The following IFT172 variants were observed in gnomAD, a reference collection of about 807,000 sequenced individuals.
IFT172 encodes intraflagellar transport protein 172 homolog.
Under a neutral mutation model 248.9 loss-of-function variants are expected in IFT172, and 164 were observed. The ratio of observed to expected loss-of-function variants is 0.66; its 90% confidence interval spans 0.58 to 0.75. The LOEUF is 0.75. Ranked by LOEUF, IFT172 falls within the 30% of genes least tolerant of loss-of-function variation. The pLI is 0.00. For missense variants in IFT172, 1,950 were observed against 2,192.4 expected, an observed-to-expected ratio of 0.89 and a Z score of 2.21; for synonymous variants, 729 against 791.6, an observed-to-expected ratio of 0.92 and a Z score of 1.33.
rs369025741 is a variant in IFT172 at position 27,454,645 on chromosome 2, C to T, written c.3387G>A (p.Ala1129=). 3.0e-5 allele frequency: 48 copies of T among 1,613,916 alleles called. No individual in the cohort carries two copies. The highest frequency in any genetic ancestry group is 1.6e-4 in the Middle Eastern group (1 of 6,084). ...TGAGGGCCAGCCGAGAGAGTTCAAA[C>T]GCAAATTCAAAGGAGCTGAAACAGA... ...HAADNCSFEF[A]FELSRLALKH... is the part of the protein sequence containing the mutation. The change falls in exon 31 of 48, where the codon GCG becomes GCA. Residue 1129 remains alanine (A), a synonymous_variant. Transcript: ENST00000260570. This position sits in a 1 kb window ranked among gnomAD's most constrained non-coding sequence, Gnocchi z 4.2.
intron 20 of IFT172, 33 bp downstream of exon 20, chr2:27,462,668 C>T: frequency 1.9e-6 from 3 of 1,574,066 alleles, no homozygotes; most frequent in Admixed American, 3.3e-5. Context: ...CCCTCATATC[C>T]CCTCTTCCAT....
rs1299574894 is a variant in IFT172, at chr2:27,478,046, G to A, written c.1116C>T (p.His372=). 5 of 1,614,028 alleles carry A rather than the reference G, an allele frequency of 3.1e-6. No individual in the cohort carries two copies. Among genetic ancestry groups the A allele is most frequent in the Non-Finnish European group, 3.4e-6 (4 of 1,180,042 alleles). Residue 372 remains histidine, a synonymous_variant, in exon 11 of 48, where the codon CAC becomes CAT. Coordinates refer to ENST00000260570, the MANE Select transcript of IFT172 (RefSeq NM_015662.3). ...ILGKERYLVA[H]TSETLLLGDL... Reference sequence around the variant, plus strand: ...CCCCCAGCAGCAGTGTTTCTGATGTGTGAGCCACCAAGTAACGTTCCTTTC... The same window carrying A: ...CCCCCAGCAGCAGTGTTTCTGATGTATGAGCCACCAAGTAACGTTCCTTTC...
In IFT172 at chr2:27,456,659, A is replaced by G. The variant is rs1232392877; in HGVS notation, c.3229-6T>C. ...CCTCCTTGAGTTCTGGCCACCTGTA[A>G]AGCAAAGTCACTCAATAATCCTGCA... On this transcript the variant is annotated splice_region_variant and splice_polypyrimidine_tract_variant and intron_variant, in intron 29 of 47. Transcript: ENST00000260570. 2 of 1,612,240 alleles carry G rather than the reference A, an allele frequency of 1.2e-6. No individual in the cohort carries two copies. The highest frequency in any genetic ancestry group is 2.2e-5 in the East Asian group (1 of 44,882).
intron 35 of IFT172, 64 bp from the exon 36 acceptor site, chr2:27,450,160 C>T: frequency 8.2e-7 from 1 of 1,213,244 alleles, no homozygotes; most frequent in Non-Finnish European, 1.2e-6. Context: ...TCCTCAGCCT[C>T]ATCCATTTCA....
intron 14 of IFT172, among the ~76,000 whole-genome samples, chr2:27,474,705 C>T (rs1443710028): frequency 1.3e-5 from 2 of 152,142 alleles, no homozygotes; most frequent in African/African-American, 4.8e-5. Flanking sequence ...GTGCCCTCCA[C>T]CATGCCCGGC....
chr2:27,464,778 C>T (rs1387036938), intron 18 of IFT172, among the ~76,000 whole-genome samples: 2 of 151,874 alleles, frequency 1.3e-5, no homozygotes, highest in African/African-American at 4.8e-5. Context: ...TCACCATGCC[C>T]GGCTAATTTT....
intron 16 of IFT172, among the ~76,000 whole-genome samples, chr2:27,467,538 GGAGGCTGAGGCTGCAGT>G (rs751785198): frequency 4.5e-4 from 65 of 144,416 alleles, no homozygotes; most frequent in Admixed American, 1.1e-3. Flanking sequence ...CTTGAGCCCA[GGAGGCTGAGGCTGCAGT>G]GAGCCAAGAT....
chr2:27,447,846 C>T lies in IFT172; in HGVS notation c.4505G>A (p.Ser1502Asn), dbSNP rs1558354409. 1 of 1,613,912 alleles carries T rather than the reference C, an allele frequency of 6.2e-7. No individual in the cohort carries two copies. Among genetic ancestry groups the T allele is most frequent in the South Asian group, 1.1e-5 (1 of 91,084 alleles). The change falls in exon 41 of 48, where the codon AGC becomes AAC. Residue 1502 changes from serine (S) to asparagine (N), a missense_variant. Coordinates refer to ENST00000260570, the MANE Select transcript of IFT172 (RefSeq NM_015662.3). ...GAGGACATCTCGAAGATCAGCCCAGCTATGATAGGCCTCGGCACAGTTGGT... is the reference window on the plus strand; with the variant it reads ...GAGGACATCTCGAAGATCAGCCCAGTTATGATAGGCCTCGGCACAGTTGGT... ...PGTNCAEAYH[S>N]WADLRDVLFN...
Position 27,483,762 on chromosome 2 carries a change from A to G in IFT172, c.403-103T>C, listed in dbSNP as rs1668554222. 2.1e-6 allele frequency: 3 copies of G among 1,452,844 alleles called. No homozygotes were observed. The South Asian group carries it at 3.4e-5, about 17-fold the overall frequency. 90.0% of individuals were successfully genotyped at this position (1,452,844 alleles called of 1,614,324 possible). A position where few individuals can be genotyped will look rare whatever the true frequency, so the allele number is the denominator to read the frequency against. ...TGTCCCACAAAACTGGTCCCTATGCATTCTCCCCAGTACGCAACTTGATCC... is the reference window on the plus strand; with the variant it reads ...TGTCCCACAAAACTGGTCCCTATGCGTTCTCCCCAGTACGCAACTTGATCC... On this transcript the variant is annotated intron_variant, in intron 5 of 47. Transcript: ENST00000260570.
At chr2:27,456,483 C>A (rs761219087) in intron 30 of IFT172, 28 bp downstream of exon 30, 3 of 1,602,654 alleles carry the variant, frequency 1.9e-6, no homozygotes, top group South Asian at 1.1e-5. Flanking sequence ...TGGGATGGGG[C>A]CCGTGGAGAG....
Position 27,453,668 on chromosome 2 carries a change from C to A in IFT172, c.3783G>T (p.Gln1261His), listed in dbSNP as rs1665906472. Residue 1261 changes from glutamine (Q) to histidine (H), a missense_variant, in exon 34 of 48, where the codon CAG becomes CAT. This residue lies in a region of IFT172 where 620 missense variants were observed against 699.0 expected (regional missense o/e 0.89). Coordinates refer to ENST00000260570, the MANE Select transcript of IFT172 (RefSeq NM_015662.3). Reference sequence around the variant, plus strand: ...TAGTAGCTTCCCGCTCATATTCTTCCTGCAGAGCCTCCAGCTGGCTGGGCA... The same window carrying A: ...TAGTAGCTTCCCGCTCATATTCTTCATGCAGAGCCTCCAGCTGGCTGGGCA... ...DYVPSQLEAL[Q>H]EEYEREATKK... The A allele has an allele frequency of 6.2e-7, 1 of 1,612,402 alleles. No individual in the cohort carries two copies. The highest frequency in any genetic ancestry group is 1.3e-5 in the African/African-American group (1 of 74,830).
At chr2:27,482,316 A>C (rs1170474249) in intron 7 of IFT172, among the ~76,000 whole-genome samples, 1 of 145,834 alleles carries the variant, frequency 6.9e-6, no homozygotes. Context: ...TTGAGATGGC[A>C]TTTCACTCTT....
In IFT172 at chr2:27,445,951, T is replaced by C. The variant is rs755477787; in HGVS notation, c.4793A>G (p.Asn1598Ser). Residue 1598 changes from asparagine (N) to serine (S), a missense_variant, in exon 44 of 48, where the codon AAT (asparagine) becomes AGT (serine). Transcript: ENST00000260570. The surrounding 1 kb of genome is among the most constrained non-coding windows in gnomAD (Gnocchi z 4.4). ...GWDNMAFIFL[N>S]RFLDLTDAIE... ...CACATCGGTCAGGTCCAAAAAGCGATTGAGGAAGATGAATGCCATGTTATC... is the reference window on the plus strand; with the variant it reads ...CACATCGGTCAGGTCCAAAAAGCGACTGAGGAAGATGAATGCCATGTTATC... The C allele has an allele frequency of 1.6e-5, 26 of 1,614,054 alleles. No homozygotes were observed. Among genetic ancestry groups the C allele is most frequent in the East Asian group, 4.5e-5 (2 of 44,896 alleles).
rs1416199983 is a variant in IFT172, at chr2:27,445,452, G to A, written c.4915-3C>T. On this transcript the variant is annotated splice_polypyrimidine_tract_variant and splice_region_variant and intron_variant, in intron 45 of 47. Transcript: ENST00000260570. The surrounding 1 kb of genome is among the most constrained non-coding windows in gnomAD (Gnocchi z 4.4). Reference sequence around the variant, plus strand: ...CGAACCTCTTCTCTCTCAGCCTCCTGGAAAGGACAAGAAGGGAGTGGTAGC... The same window carrying A: ...CGAACCTCTTCTCTCTCAGCCTCCTAGAAAGGACAAGAAGGGAGTGGTAGC... The A allele has an allele frequency of 6.2e-7, 1 of 1,609,290 alleles. No homozygotes were observed.
In IFT172 at chr2:27,472,208, T is replaced by C. The variant is rs199511801; in HGVS notation, c.1524+42A>G. On this transcript the variant is annotated intron_variant, in intron 15 of 47. Coordinates refer to ENST00000260570, the MANE Select transcript of IFT172 (RefSeq NM_015662.3). The stretch of plus-strand genomic sequence containing the variant: ...TGGTGGCAGCTTGTCTCACACCCTC[T>C]GTGGGCCAGCCAATGCCTAAGGCCT... The C allele has an allele frequency of 1.6e-4, 227 of 1,434,752 alleles. 2 individuals are homozygous for C. The Admixed American group carries it at 3.6e-3, about 23-fold the overall frequency. 88.9% of individuals were successfully genotyped at this position (1,434,752 alleles called of 1,614,324 possible). A position where few individuals can be genotyped will look rare whatever the true frequency, so the allele number is the denominator to read the frequency against.
chr2:27,453,851 C>T lies in IFT172; in HGVS notation c.3712-112G>A, dbSNP rs953053919. The T allele has an allele frequency of 4.3e-6, 6 of 1,379,660 alleles. No individual in the cohort carries two copies. In the African/African-American group the frequency reaches 5.8e-5, roughly 13 times the overall value. The allele number at this position is 1,379,660 out of a possible 1,614,324, so 85.5% of individuals were successfully genotyped here. A position where few individuals can be genotyped will look rare whatever the true frequency, so the allele number is the denominator to read the frequency against. ...GGGTCCTTGGACCTCTCTTCTCCTCCTCTTTCCTGTCTTCCCCACTCCCCA... is the reference window on the plus strand; with the variant it reads ...GGGTCCTTGGACCTCTCTTCTCCTCTTCTTTCCTGTCTTCCCCACTCCCCA... On this transcript the variant is annotated intron_variant, in intron 33 of 47. Coordinates refer to ENST00000260570, the MANE Select transcript of IFT172 (RefSeq NM_015662.3).
intron 13 of IFT172, 175 bp from the exon 14 acceptor site, chr2:27,476,901 C>T (rs1017775046): frequency 2.0e-5 from 12 of 600,232 alleles, no homozygotes; most frequent in Non-Finnish European, 3.3e-5. Flanking sequence ...CGGCTCACTA[C>T]AGCTTTGACT....
rs765846420 is a variant in IFT172, at chr2:27,462,801, G to GTT, written c.2023-9_2023-8insAA. On this transcript the variant is annotated splice_polypyrimidine_tract_variant and intron_variant, in intron 19 of 47. Transcript: ENST00000260570. ...GTCTGTTCCTTCTCCGCCCTGTGGGGGAAAAAGGAGGTTCTGATTTTTCTG... is the reference window on the plus strand; with the variant it reads ...GTCTGTTCCTTCTCCGCCCTGTGGGGTTGAAAAAGGAGGTTCTGATTTTTCTG... 4 of 1,613,488 alleles carry GTT rather than the reference G, an allele frequency of 2.5e-6. No individual in the cohort carries two copies. The Admixed American group carries it at 6.7e-5, about 27-fold the overall frequency.
intron 7 of IFT172, 32 bp downstream of exon 7, chr2:27,483,257 T>C (rs769201284): frequency 7.8e-7 from 1 of 1,281,314 alleles, no homozygotes; most frequent in Middle Eastern, 1.8e-4. Flanking sequence ...ACTCAAGCAA[T>C]CCAAGCCTCC....
Sources: gnomAD v4.1 joint callset for allele counts (sites outside exome capture counted in the v4.1 genomes callset) on GRCh38, gnomAD v4.1.1 for gene constraint, gnomAD v4.1.1 regional missense constraint, Gnocchi (gnomAD v3.1) non-coding constraint, MANE v1.5 for transcripts, NCBI Gene and HGNC (gene_info 2026-07-23, HGNC 2026-07-21) for gene names.